TDO2: variants seen among roughly 807,000 people sequenced by gnomAD.
The protein encoded by TDO2 is tryptophan 2,3-dioxygenase.
Under a neutral mutation model 61.2 loss-of-function variants are expected in TDO2, and 63 were observed. That is an observed-to-expected ratio of 1.03 (90% confidence interval 0.84 to 1.27). TDO2 has a LOEUF of 1.27. Among genes scored for constraint, TDO2 ranks in the 50% most tolerant of loss-of-function variants. TDO2 has a pLI of 0.00. For missense variants in TDO2, 494 were observed against 469.5 expected, an observed-to-expected ratio of 1.05 and a Z score of -0.48; for synonymous variants, 183 against 164.0, an observed-to-expected ratio of 1.12 and a Z score of -0.89.
intron 3 of TDO2, chr4:155,907,445 G>A: frequency 3.0e-6 from 1 of 335,850 alleles, no homozygotes; most frequent in Non-Finnish European, 5.4e-6. Flanking sequence ...TATCCTCAAA[G>A]ACCTAAAAAT....
rs1469466836 is a variant in TDO2, at chr4:155,919,959, G to A, written c.1190G>A (p.Ser397Asn). ...CTATATACAGCAGAATACTGTGATA[G>A]CTCCTACTTCAGCAGTGATGAATCA... ...KFLYTAEYCD[S>N]SYFSSDESD Residue 397 changes from serine (S) to asparagine (N), a missense_variant, in exon 12 of 12, where the codon AGC becomes AAC. Ser to Asn is a conservative substitution (Grantham distance 46). Transcript: ENST00000536354. 17 of 1,613,492 alleles carry A rather than the reference G, an allele frequency of 1.1e-5. No homozygotes were observed. Among genetic ancestry groups the A allele is most frequent in the Non-Finnish European group, 1.4e-5 (16 of 1,179,796 alleles).
At chr4:155,913,372 G>T (rs1167493721) in intron 7 of TDO2, among the ~76,000 whole-genome samples, 1 of 152,096 alleles carries the variant, frequency 6.6e-6, no homozygotes, top group Non-Finnish European at 1.5e-5. Context: ...TCACCAAGGA[G>T]TCCTTTTATG....
chr4:155,909,703 C>A (rs1490297943), intron 5 of TDO2, among the ~76,000 whole-genome samples: 1 of 151,910 alleles, frequency 6.6e-6, no homozygotes, highest in East Asian at 1.9e-4. Context: ...TGAGTCAAAT[C>A]ACAGGTCTAA....
rs2110889232 is a variant in TDO2, at chr4:155,919,809, TAACACATCTTC to T, written c.1068-26_1068-16del. ...TTTAAATATTTCATGTCAACCAATG[TAACACATCTTC>T]ATGTATGTTTTTCCAGTGATAGGTA... On this transcript the variant is annotated splice_polypyrimidine_tract_variant and intron_variant, in intron 11 of 11. Coordinates refer to ENST00000536354, the MANE Select transcript of TDO2 (RefSeq NM_005651.4). The T allele has an allele frequency of 6.3e-7, 1 of 1,574,946 alleles. No individual in the cohort carries two copies. The highest frequency in any genetic ancestry group is 2.3e-5 in the East Asian group (1 of 44,338).
intron 8 of TDO2, among the ~76,000 whole-genome samples, chr4:155,914,994 C>G (rs1579330419): frequency 6.6e-6 from 1 of 152,290 alleles, no homozygotes; most frequent in East Asian, 1.9e-4. Flanking sequence ...TTCCTGCCCT[C>G]TTTCTCTCTT....
intron 2 of TDO2, among the ~76,000 whole-genome samples, chr4:155,904,756 T>C (rs1307271505): frequency 6.6e-6 from 1 of 152,166 alleles, no homozygotes; most frequent in African/African-American, 2.4e-5. Context: ...GCCAAATGCA[T>C]AGTCAGCTCA....
chr4:155,920,022 T>G lies in TDO2; in HGVS notation c.*32T>G, dbSNP rs745574912. 1.3e-6 allele frequency: 2 copies of G among 1,595,562 alleles called. No homozygotes were observed. Among genetic ancestry groups the G allele is most frequent in the African/African-American group, 2.7e-5 (2 of 74,008 alleles). On this transcript the variant is annotated 3_prime_UTR_variant, in exon 12 of 12. Transcript: ENST00000536354. ...CTGCAAAATCTATGAAGAATACTGGTTTCACAGCCTATTTTTTATTTTCTA... is the reference window on the plus strand; with the variant it reads ...CTGCAAAATCTATGAAGAATACTGGGTTCACAGCCTATTTTTTATTTTCTA...
chr4:155,919,936 A>G lies in TDO2; in HGVS notation c.1167A>G (p.Leu389=), dbSNP rs774964314. 9 of 1,613,632 alleles carry G rather than the reference A, an allele frequency of 5.6e-6. No individual in the cohort carries two copies. Among genetic ancestry groups the G allele is most frequent in the South Asian group, 1.1e-5 (1 of 91,072 alleles). Residue 389 remains leucine, a synonymous_variant, in exon 12 of 12, where the codon CTA becomes CTG. Transcript: ENST00000536354. ...PKMNPTIHKF[L]YTAEYCDSSY... is the part of the protein sequence containing the mutation. Reference sequence around the variant, plus strand: ...TGAACCCAACCATTCACAAATTTCTATATACAGCAGAATACTGTGATAGCT... The same window carrying G: ...TGAACCCAACCATTCACAAATTTCTGTATACAGCAGAATACTGTGATAGCT...
Position 155,911,497 on chromosome 4 carries a change from G to T in TDO2, c.619G>T (p.Ala207Ser), listed in dbSNP as rs774246293. 6.4e-6 allele frequency: 10 copies of T among 1,561,974 alleles called. No individual in the cohort carries two copies. The highest frequency in any genetic ancestry group is 4.9e-5 in the East Asian group (2 of 40,694). ...ACTTAAAAAATAATGTTTATTTAAG[G>T]CATGGCTGGAAAGAACTCCAGGTTT... ...QEKTLLELVE[A>S]WLERTPGLEP... The change falls in exon 7 of 12, where the codon GCA becomes TCA. Residue 207 changes from alanine to serine, a missense_variant and splice_region_variant. Ala to Ser is a moderately conservative substitution (Grantham distance 99). Transcript: ENST00000536354.
chr4:155,920,062 T>C lies in TDO2; in HGVS notation c.*72T>C. The C allele has an allele frequency of 6.8e-7, 1 of 1,466,678 alleles. No individual in the cohort carries two copies. Among genetic ancestry groups the C allele is most frequent in the Non-Finnish European group, 9.5e-7 (1 of 1,057,276 alleles). 90.9% of individuals were successfully genotyped at this position (1,466,678 alleles called of 1,614,324 possible). A position where few individuals can be genotyped will look rare whatever the true frequency, so the allele number is the denominator to read the frequency against. On this transcript the variant is annotated 3_prime_UTR_variant, in exon 12 of 12. Transcript: ENST00000536354. ...TTTATTTTCTATGGATTTTCATAAA[T>C]ACAGTTTGAATATATGTATGCATAT...
chr4:155,904,046 G>C lies in TDO2; in HGVS notation c.64G>C (p.Gly22Arg), dbSNP rs1400322713. ...TACTTTTAAAAAACTCCCCGTAGAA[G>C]GCAGCGAAGAAGACAAATCACAAAC... ...GYTFKKLPVE[G>R]SEEDKSQTGV... Residue 22 changes from glycine to arginine, a missense_variant, in exon 2 of 12, where the codon GGC becomes CGC. Gly to Arg is a moderately radical substitution (Grantham distance 125). Coordinates refer to ENST00000536354, the MANE Select transcript of TDO2 (RefSeq NM_005651.4). 6.2e-7 allele frequency: 1 copy of C among 1,614,010 alleles called. No individual in the cohort carries two copies. The highest frequency in any genetic ancestry group is 2.2e-5 in the East Asian group (1 of 44,866).
Position 155,913,448 on chromosome 4 carries a change from C to T in TDO2, c.727-875C>T, listed in dbSNP as rs139874102. ...CCTTCCCACTCTGAAGATCTTGGCT[C>T]GAGGAAAACTTCTTTAGAAAGGTCT... On this transcript the variant is annotated intron_variant, in intron 7 of 11. Transcript: ENST00000536354. Among the ~76,000 whole-genome samples, 251 of 152,104 alleles carry T rather than the reference C, an allele frequency of 1.7e-3. 1 individual carries two copies. The highest frequency in any genetic ancestry group is 0.01 in the Middle Eastern group (3 of 294).
Position 155,914,431 on chromosome 4 carries a change from A to T in TDO2, c.835A>T (p.Lys279Ter), listed in dbSNP as rs372207644. ...GAAACGTCATGAACATCTCCTTAGT[A>T]AAGGCAGGTATTTTTACTTTATGAA... is the stretch of plus-strand genomic sequence containing the variant. The part of the protein sequence containing the change: ...DEKRHEHLLS[K>*]GERRLSYRAL... The change falls in exon 8 of 12, where the codon AAA (lysine) becomes TAA (stop). Residue 279 changes from lysine (K) to a stop codon, truncating the protein, a stop_gained. Coordinates refer to ENST00000536354, the MANE Select transcript of TDO2 (RefSeq NM_005651.4). LOFTEE classifies it high-confidence loss of function. 4.4e-6 allele frequency: 7 copies of T among 1,579,580 alleles called. No individual in the cohort carries two copies. The African/African-American group carries it at 9.6e-5, about 22-fold the overall frequency.
chr4:155,904,009 A>G lies in TDO2; in HGVS notation c.36-9A>G. The G allele has an allele frequency of 6.2e-7, 1 of 1,610,930 alleles. No individual in the cohort carries two copies. Among genetic ancestry groups the G allele is most frequent in the Non-Finnish European group, 8.5e-7 (1 of 1,177,530 alleles). On this transcript the variant is annotated splice_polypyrimidine_tract_variant and intron_variant, in intron 1 of 11. Transcript: ENST00000536354. ...ACTATTTTTCCCTCTTGATTTATTA[A>G]ATTTGCAGATATACTTTTAAAAAAC...
intron 9 of TDO2, among the ~76,000 whole-genome samples, chr4:155,916,959 A>G (rs1001073102): frequency 2.2e-4 from 34 of 151,796 alleles, no homozygotes; most frequent in Admixed American, 7.2e-4. Flanking sequence ...ATGTAAAAAA[A>G]CAAAACAAAA....
At chr4:155,909,950 C>G (rs1191220721) in intron 5 of TDO2, 75 bp from the exon 6 acceptor site, 5 of 141,792 alleles carry the variant, frequency 3.5e-5, no homozygotes, top group African/African-American at 1.2e-4. Flanking sequence ...CCCTCCCCCC[C>G]CTTTCTCTTC....
At chr4:155,911,139 A>T (rs12510023) in intron 6 of TDO2, among the ~76,000 whole-genome samples, 66,885 of 151,736 alleles carry the variant, frequency 0.44, 16,429 homozygotes, top group East Asian at 0.74. Flanking sequence ...AATAAACCAG[A>T]ATATATTAGT....
chr4:155,911,675 GCTTTTCTCTTAAC>G (rs1742834519), intron 7 of TDO2, 71 bp downstream of exon 7: 3 of 1,112,226 alleles, frequency 2.7e-6, no homozygotes, highest in Middle Eastern at 3.0e-4. Context: ...ATTATTTTTT[GCTTTTCTCTTAAC>G]CTTTTCTCTT....
rs1482924824 is a variant in TDO2, at chr4:155,911,531, A to G, written c.653A>G (p.His218Arg). 3 of 1,605,288 alleles carry G rather than the reference A, an allele frequency of 1.9e-6. No homozygotes were observed. The highest frequency in any genetic ancestry group is 2.2e-5 in the South Asian group (2 of 90,030). Residue 218 changes from histidine to arginine, a missense_variant, in exon 7 of 12, where the codon CAT (histidine) becomes CGT (arginine). Transcript: ENST00000536354. Reference protein sequence around the residue: ...WLERTPGLEPHGFNFWGKLEK... With the variant: ...WLERTPGLEPRGFNFWGKLEK... The stretch of plus-strand genomic sequence containing the variant: ...GAAAGAACTCCAGGTTTAGAGCCAC[A>G]TGGATTTAACTTCTGGGGAAAGCTT...
Sources: allele counts gnomAD v4.1 joint callset (sites outside exome capture counted in the v4.1 genomes callset), GRCh38; gene constraint gnomAD v4.1.1; transcripts MANE v1.5; gene names NCBI Gene and HGNC (gene_info 2026-07-23, HGNC 2026-07-21).